LDLRAD3: variants seen among roughly 807,000 people sequenced by gnomAD.
The protein encoded by LDLRAD3 is low-density lipoprotein receptor class A domain-containing protein 3.
Under a neutral mutation model 29.4 loss-of-function variants are expected in LDLRAD3, and 20 were observed. The ratio of observed to expected loss-of-function variants is 0.68; its 90% confidence interval spans 0.48 to 0.99. The LOEUF (loss-of-function observed/expected upper bound fraction) is 0.99, where lower values mean the gene tolerates loss of function less well. Ranked by LOEUF, LDLRAD3 falls within the 50% of genes least tolerant of loss-of-function variation. The probability of loss-of-function intolerance (pLI) is 0.00; values close to 1 mark genes in which losing one functional copy is unlikely to be tolerated. For missense variants in LDLRAD3, 420 were observed against 454.3 expected (o/e 0.92, Z 0.69); for synonymous variants, 157 against 192.7 (o/e 0.81, Z 1.53).
intron 2 of LDLRAD3, among the ~76,000 whole-genome samples, chr11:36,045,983 G>A (rs547095335): frequency 3.9e-5 from 6 of 151,954 alleles, no homozygotes; most frequent in African/African-American, 1.2e-4. Flanking sequence ...CCCCCAACAG[G>A]CCCCAGTGTG....
chr11:36,116,951 C>T (rs527356347), intron 4 of LDLRAD3, among the ~76,000 whole-genome samples: 4 of 151,518 alleles, frequency 2.6e-5, no homozygotes, highest in African/African-American at 7.3e-5. Flanking sequence ...AACCAATTCT[C>T]GTGCCTCAGC....
In LDLRAD3 at chr11:36,065,053, C is replaced by G. The variant is rs534110532; in HGVS notation, c.194-16600C>G. On this transcript the variant is annotated intron_variant, in intron 2 of 5. Coordinates refer to ENST00000315571, the MANE Select transcript of LDLRAD3 (RefSeq NM_174902.4). The stretch of plus-strand genomic sequence containing the variant: ...GGTCCACTTTGTGGTGGTGTTCATG[C>G]CTTCTGTTTTCTTGTTGATCTTCAG... Among the ~76,000 whole-genome samples the G allele has an allele frequency of 1.4e-3, 206 of 152,270 alleles. 2 individuals carry two copies. Among genetic ancestry groups the G allele is most frequent in the African/African-American group, 4.9e-3 (203 of 41,556 alleles).
chr11:36,076,471 C>T (rs1265907752), intron 2 of LDLRAD3, among the ~76,000 whole-genome samples: 8 of 152,094 alleles, frequency 5.3e-5, no homozygotes, highest in South Asian at 2.1e-4. Flanking sequence ...ACTGCAACCT[C>T]CACCTCCCGG....
chr11:36,204,671 TAG>T (rs920368615), intron 4 of LDLRAD3, among the ~76,000 whole-genome samples: 1 of 152,102 alleles, frequency 6.6e-6, no homozygotes, highest in African/African-American at 2.4e-5. Flanking sequence ...GTATTTTTAG[TAG>T]AGACAGGGTT....
chr11:36,224,606 C>T (rs1855474033), intron 4 of LDLRAD3, among the ~76,000 whole-genome samples: 1 of 152,146 alleles, frequency 6.6e-6, no homozygotes, highest in South Asian at 2.1e-4. Flanking sequence ...CCCCTATTTG[C>T]TTCTTTCTGT....
chr11:36,182,158 A>C (rs961889057), intron 4 of LDLRAD3, among the ~76,000 whole-genome samples: 6 of 152,194 alleles, frequency 3.9e-5, no homozygotes, highest in African/African-American at 1.4e-4. Flanking sequence ...TGAAGTGAGG[A>C]GAATGAAGGT....
chr11:36,173,360 A>T (rs985698287), intron 4 of LDLRAD3, among the ~76,000 whole-genome samples: 2 of 114,786 alleles, frequency 1.7e-5, no homozygotes, highest in Admixed American at 1.2e-4. Context: ...CAACAGGCCC[A>T]GGTGTGTGAT....
intron 3 of LDLRAD3, among the ~76,000 whole-genome samples, chr11:36,094,442 T>C (rs1853328835): frequency 6.6e-6 from 1 of 152,266 alleles, no homozygotes; most frequent in Non-Finnish European, 1.5e-5. Context: ...CAATATTTAC[T>C]ATCCGGCCCT....
At chr11:36,043,903 A>G (rs933136120) in intron 2 of LDLRAD3, among the ~76,000 whole-genome samples, 3 of 152,198 alleles carry the variant, frequency 2.0e-5, no homozygotes, top group Non-Finnish European at 1.5e-5. Context: ...ATGAAAAGAC[A>G]TGCTCTTTCA....
At chr11:36,156,211 C>T (rs770704737) in intron 4 of LDLRAD3, among the ~76,000 whole-genome samples, 13 of 152,278 alleles carry the variant, frequency 8.5e-5, no homozygotes, top group Non-Finnish European at 1.8e-4. Context: ...TAAAAAAGAC[C>T]GCCAGTAGTT....
chr11:36,018,892 T>G (rs889494579), intron 1 of LDLRAD3, among the ~76,000 whole-genome samples: 3 of 152,238 alleles, frequency 2.0e-5, no homozygotes, highest in Admixed American at 6.5e-5. Context: ...CTTGTTCGTT[T>G]TCTTTATTCA....
At chr11:36,115,705 A>G (rs1256066599) in intron 4 of LDLRAD3, among the ~76,000 whole-genome samples, 4 of 152,150 alleles carry the variant, frequency 2.6e-5, no homozygotes, top group Non-Finnish European at 4.4e-5. Flanking sequence ...GAGGCTGTAT[A>G]TGGTGCTTCT....
At chr11:36,083,037 T>C (rs943238572) in intron 3 of LDLRAD3, among the ~76,000 whole-genome samples, 10 of 152,374 alleles carry the variant, frequency 6.6e-5, no homozygotes, top group Middle Eastern at 3.4e-3. Context: ...TAGAGGGGTT[T>C]GAGGTTCACA....
intron 4 of LDLRAD3, among the ~76,000 whole-genome samples, chr11:36,182,791 T>A (rs1854783803): frequency 6.6e-6 from 1 of 152,128 alleles, no homozygotes. Context: ...ACCACAGACA[T>A]CCCCCTTCAT....
chr11:36,052,475 G>A (rs1852543030), intron 2 of LDLRAD3, among the ~76,000 whole-genome samples: 1 of 152,172 alleles, frequency 6.6e-6, no homozygotes, highest in Non-Finnish European at 1.5e-5. Context: ...CCTGTTAACA[G>A]TGGGTATCTC....
intron 4 of LDLRAD3, among the ~76,000 whole-genome samples, chr11:36,128,077 A>G (rs1444877581): frequency 7.2e-6 from 1 of 139,536 alleles, no homozygotes; most frequent in African/African-American, 2.6e-5. Context: ...CGGGAGGTTC[A>G]TAACTCAACT....
chr11:35,974,401 A>G (rs1277664795), intron 1 of LDLRAD3, among the ~76,000 whole-genome samples: 1 of 152,012 alleles, frequency 6.6e-6, no homozygotes, highest in East Asian at 1.9e-4. Flanking sequence ...GCTGTGTAAC[A>G]ATATTATCAC....
chr11:36,141,373 A>G (rs928343030), intron 4 of LDLRAD3, among the ~76,000 whole-genome samples: 7 of 152,188 alleles, frequency 4.6e-5, no homozygotes, highest in Non-Finnish European at 7.3e-5. Context: ...CAGCAGAGAT[A>G]AAAGTAAAGA....
intron 2 of LDLRAD3, among the ~76,000 whole-genome samples, chr11:36,072,257 G>A (rs1852917877): frequency 6.6e-6 from 1 of 152,210 alleles, no homozygotes; most frequent in East Asian, 1.9e-4. Context: ...AGATGCAGCA[G>A]GTCTGATTAG....
Sources: allele counts gnomAD v4.1 joint callset (sites outside exome capture counted in the v4.1 genomes callset), GRCh38; gene constraint gnomAD v4.1.1; transcripts MANE v1.5; gene names NCBI Gene and HGNC (gene_info 2026-07-23, HGNC 2026-07-21).